The following SGCZ variants were observed in gnomAD, a reference collection of about 807,000 sequenced individuals.
SGCZ encodes the protein sarcoglycan zeta, also known as zeta-sarcoglycan.
SGCZ carries 40 observed loss-of-function variants against 41.3 expected under a neutral mutation model. That is an observed-to-expected ratio of 0.97 (90% CI 0.75 to 1.26). The LOEUF (loss-of-function observed/expected upper bound fraction) is 1.26, where lower values mean the gene tolerates loss of function less well. SGCZ is among the 50% of genes most tolerant of loss of function. SGCZ has a pLI of 0.00. For synonymous variants in SGCZ, 206 were observed against 137.5 expected, an observed-to-expected ratio of 1.50 and a Z score of -3.49; for missense variants, 552 against 369.8, an observed-to-expected ratio of 1.49 and a Z score of -4.04.
chr8:14,469,553 C>T (rs2116974269), intron 2 of SGCZ, among the ~76,000 whole-genome samples: 1 of 152,056 alleles, frequency 6.6e-6, no homozygotes, highest in East Asian at 1.9e-4. Flanking sequence ...TCCTAAAATC[C>T]TTGGAATCTT....
intron 3 of SGCZ, among the ~76,000 whole-genome samples, chr8:14,288,062 T>C (rs983911200): frequency 1.3e-5 from 2 of 152,120 alleles, no homozygotes; most frequent in African/African-American, 2.4e-5. Flanking sequence ...TTGAGATAAA[T>C]ACTGTGAATT....
rs147389221 is a variant in SGCZ, at chr8:14,391,532, G to C, written c.235-67328C>G. Reference sequence around the variant, plus strand: ...TTTCAGGCAGGGAGTACTATGTTCAGGGGCAGAAGTAGGAAGTGTGGCTAG... The same window carrying C: ...TTTCAGGCAGGGAGTACTATGTTCACGGGCAGAAGTAGGAAGTGTGGCTAG... On this transcript the variant is annotated intron_variant, in intron 2 of 7. Coordinates refer to ENST00000382080, the MANE Select transcript of SGCZ (RefSeq NM_139167.4). Among the ~76,000 whole-genome samples, 14 of 152,178 alleles carry C rather than the reference G, an allele frequency of 9.2e-5. No individual in the cohort carries two copies. The East Asian group carries it at 2.5e-3, about 27-fold the overall frequency.
intron 2 of SGCZ, among the ~76,000 whole-genome samples, chr8:14,337,164 C>T (rs1282920447): frequency 6.6e-6 from 1 of 152,122 alleles, no homozygotes; most frequent in African/African-American, 2.4e-5. Flanking sequence ...AACTCCCCAG[C>T]TGATTGATGG....
intron 1 of SGCZ, among the ~76,000 whole-genome samples, chr8:14,606,867 G>C (rs1235608672): frequency 6.6e-6 from 1 of 152,106 alleles, no homozygotes; most frequent in Non-Finnish European, 1.5e-5. Flanking sequence ...TTTATGTCAA[G>C]TTTTTACAGT....
At chr8:14,757,156 C>A (rs1217050575) in intron 1 of SGCZ, among the ~76,000 whole-genome samples, 13 of 152,164 alleles carry the variant, frequency 8.5e-5, no homozygotes, top group Admixed American at 8.5e-4. Flanking sequence ...TCAAGCATTT[C>A]TCCTGCCTCA....
chr8:14,880,022 G>T (rs777304408), intron 1 of SGCZ, among the ~76,000 whole-genome samples: 1 of 151,936 alleles, frequency 6.6e-6, no homozygotes, highest in Admixed American at 6.6e-5. Flanking sequence ...TGTATTTTTA[G>T]TAGAGACTGT....
intron 1 of SGCZ, among the ~76,000 whole-genome samples, chr8:15,186,322 T>TCCAAA (rs1800343332): frequency 7.1e-6 from 1 of 141,526 alleles, no homozygotes; most frequent in Non-Finnish European, 1.5e-5. Context: ...TCGCATGTAG[T>TCCAAA]AGTCCAAAGA....
Position 14,090,276 on chromosome 8 carries a change from A to T in SGCZ, c.*167T>A. On this transcript the variant is annotated 3_prime_UTR_variant, in exon 8 of 8. Coordinates refer to ENST00000382080, the MANE Select transcript of SGCZ (RefSeq NM_139167.4). ...AATCACACCCTCTGTGTTGAGCAGT[A>T]CAGTAAATCACAAGAGAAGGTGGTG... 1.6e-6 allele frequency: 1 copy of T among 624,068 alleles called. No homozygotes were observed. The highest frequency in any genetic ancestry group is 2.7e-6 in the Non-Finnish European group (1 of 373,382). The allele number at this position is 624,068 out of a possible 1,614,324, so 38.7% of individuals were successfully genotyped here.
intron 1 of SGCZ, among the ~76,000 whole-genome samples, chr8:14,601,528 T>C (rs1052229764): frequency 2.6e-5 from 4 of 152,198 alleles, no homozygotes; most frequent in Admixed American, 2.0e-4. Context: ...ATTTATGTGT[T>C]TTATATGTTC....
At chr8:14,824,417 A>G (rs924968794) in intron 1 of SGCZ, among the ~76,000 whole-genome samples, 1 of 152,122 alleles carries the variant, frequency 6.6e-6, no homozygotes, top group Non-Finnish European at 1.5e-5. Flanking sequence ...AAAAATTTTC[A>G]TGTCTACTCC....
intron 1 of SGCZ, among the ~76,000 whole-genome samples, chr8:14,705,853 G>A (rs920053914): frequency 5.9e-5 from 9 of 151,920 alleles, no homozygotes; most frequent in Admixed American, 1.3e-4. Context: ...GTAATCCATT[G>A]TAACTTTCTG....
intron 3 of SGCZ, among the ~76,000 whole-genome samples, chr8:14,306,944 C>T (rs1801370500): frequency 6.6e-6 from 1 of 152,144 alleles, no homozygotes; most frequent in Non-Finnish European, 1.5e-5. Context: ...TTAAATAATT[C>T]ACTTCACAAA....
intron 2 of SGCZ, among the ~76,000 whole-genome samples, chr8:14,443,613 G>T (rs1203750602): frequency 6.6e-6 from 1 of 152,294 alleles, no homozygotes; most frequent in Non-Finnish European, 1.5e-5. Flanking sequence ...GCCATATGTA[G>T]AAAGCTGAAA....
chr8:15,029,249 C>T (rs1430673778), intron 1 of SGCZ, among the ~76,000 whole-genome samples: 1 of 152,012 alleles, frequency 6.6e-6, no homozygotes, highest in Non-Finnish European at 1.5e-5. Flanking sequence ...ACAACCTTGA[C>T]TTGGAAAATT....
intron 1 of SGCZ, among the ~76,000 whole-genome samples, chr8:14,629,349 A>C (rs1877013): frequency 1.1e-3 from 70 of 65,290 alleles, no homozygotes; most frequent in Middle Eastern, 6.6e-3. Context: ...AGGTAAGATT[A>C]ATGTAAAATA....
chr8:14,605,124 G>A (rs1362682120), intron 1 of SGCZ, among the ~76,000 whole-genome samples: 1 of 152,160 alleles, frequency 6.6e-6, no homozygotes, highest in East Asian at 1.9e-4. Context: ...AAAGGGTTCA[G>A]CAGAAGAATA....
At chr8:15,211,338 A>T (rs1297326133) in intron 1 of SGCZ, among the ~76,000 whole-genome samples, 1 of 151,512 alleles carries the variant, frequency 6.6e-6, no homozygotes, top group Non-Finnish European at 1.5e-5. Context: ...ATTCACAATT[A>T]AATCAGACTC....
chr8:14,861,051 G>A (rs1046815194), intron 1 of SGCZ, among the ~76,000 whole-genome samples: 1 of 152,176 alleles, frequency 6.6e-6, no homozygotes, highest in Non-Finnish European at 1.5e-5. Context: ...GAATTGCAGT[G>A]AGCTCACGAT....
intron 2 of SGCZ, among the ~76,000 whole-genome samples, chr8:14,440,745 A>ACACATG: frequency 6.8e-6 from 1 of 147,284 alleles, no homozygotes; most frequent in African/African-American, 2.6e-5. Flanking sequence ...ATATGTATAT[A>ACACATG]CATACGTATA....
Sources: gnomAD v4.1 joint callset for allele counts (sites outside exome capture counted in the v4.1 genomes callset) on GRCh38, gnomAD v4.1.1 for gene constraint, MANE v1.5 for transcripts, NCBI Gene and HGNC (gene_info 2026-07-23, HGNC 2026-07-21) for gene names.